The following ABI1 variants were observed in gnomAD, a reference collection of about 807,000 sequenced individuals.
ABI1 encodes the protein abl interactor 1, also known as Abelson interactor 1.
Under a neutral mutation model 54.6 loss-of-function variants are expected in ABI1, and 14 were observed. The ratio of observed to expected loss-of-function variants is 0.26; its 90% CI spans 0.17 to 0.40. ABI1 has a LOEUF of 0.40. Ranked by LOEUF, ABI1 falls within the 10% of genes least tolerant of loss-of-function variation. The pLI, the probability that ABI1 is intolerant of heterozygous loss-of-function variation, is 1.00. For missense variants in ABI1, 443 were observed against 598.3 expected, an observed-to-expected ratio of 0.74 and a Z score of 2.71; for synonymous variants, 194 against 209.3, an observed-to-expected ratio of 0.93 and a Z score of 0.63.
rs867983359 is a variant in ABI1, at chr10:26,786,545, C to A, written c.286-9304G>T. On this transcript the variant is annotated intron_variant, in intron 2 of 10. Transcript: ENST00000376140. ...TCTCTACACATCTTTTAAACTCCTC[C>A]CTTTTCTAATAGGTCCAGCACTAGT... Among the ~76,000 whole-genome samples, 33 of 152,206 alleles carry A rather than the reference C, an allele frequency of 2.2e-4. No homozygotes were observed. In the Middle Eastern group the frequency reaches 0.01, roughly 47 times the overall value.
intron 1 of ABI1, among the ~76,000 whole-genome samples, chr10:26,857,351 C>A (rs969557271): frequency 3.8e-3 from 320 of 85,258 alleles, no homozygotes; most frequent in Middle Eastern, 7.9e-3. Context: ...AAAAAAAAAA[C>A]ACTTTCTGGC....
chr10:26,786,517 G>A (rs936981025), intron 2 of ABI1, among the ~76,000 whole-genome samples: 4 of 151,920 alleles, frequency 2.6e-5, no homozygotes, highest in Non-Finnish European at 4.4e-5. Context: ...ACCATGCCCC[G>A]CCTCTCTACA....
intron 1 of ABI1, among the ~76,000 whole-genome samples, chr10:26,826,784 C>T (rs1482032668): frequency 2.6e-5 from 4 of 152,360 alleles, no homozygotes; most frequent in East Asian, 3.9e-4. Context: ...ACCTCATGAA[C>T]CCGCTGGCTT....
intron 9 of ABI1, among the ~76,000 whole-genome samples, chr10:26,755,449 C>T (rs1353613820): frequency 6.6e-6 from 1 of 152,022 alleles, no homozygotes; most frequent in Non-Finnish European, 1.5e-5. Flanking sequence ...AAGAAAATTG[C>T]AGCTTTGAAA....
chr10:26,802,181 G>C (rs2046607881), intron 2 of ABI1, among the ~76,000 whole-genome samples: 1 of 152,218 alleles, frequency 6.6e-6, no homozygotes, highest in South Asian at 2.1e-4. Context: ...AGTCTAAGAA[G>C]AGTTAGGACA....
chr10:26,842,751 T>C (rs2049620973), intron 1 of ABI1, among the ~76,000 whole-genome samples: 2 of 152,138 alleles, frequency 1.3e-5, no homozygotes, highest in African/African-American at 4.8e-5. Context: ...ACATAATAAA[T>C]TAGAGCCACA....
intron 2 of ABI1, among the ~76,000 whole-genome samples, chr10:26,793,498 C>G (rs1034135480): frequency 2.6e-5 from 4 of 152,194 alleles, no homozygotes; most frequent in Admixed American, 2.6e-4. Context: ...CAGAATTATT[C>G]TGAAATATTT....
chr10:26,849,404 C>G (rs2050227110), intron 1 of ABI1, among the ~76,000 whole-genome samples: 1 of 152,026 alleles, frequency 6.6e-6, no homozygotes, highest in Admixed American at 6.5e-5. Flanking sequence ...AAATCTTGAC[C>G]CTTGAGAAAA....
In ABI1 at chr10:26,839,787, C is replaced by CAGAA. The variant is rs982657098; in HGVS notation, c.118-16486_118-16483dup. 2.4e-5 allele frequency: 17 copies of CAGAA among 700,126 alleles called. No homozygotes were observed. The African/African-American group carries it at 2.6e-4, about 11-fold the overall frequency. 43.4% of individuals were successfully genotyped at this position (700,126 alleles called of 1,614,324 possible). A position where few individuals can be genotyped will look rare whatever the true frequency, so the allele number is the denominator to read the frequency against. ...GCAACACAGCAAAACCATGTCTCTA[C>CAGAA]AGAAAAAATAAAAATAAATAAATCT... On this transcript the variant is annotated intron_variant, in intron 1 of 10. Coordinates refer to ENST00000376140, the MANE Select transcript of ABI1 (RefSeq NM_001012750.3).
intron 2 of ABI1, among the ~76,000 whole-genome samples, chr10:26,812,259 T>G (rs1056280901): frequency 6.6e-6 from 1 of 152,188 alleles, no homozygotes; most frequent in African/African-American, 2.4e-5. Context: ...TTGGGGGCAT[T>G]ACTCAATACA....
At chr10:26,749,613 G>A (rs1209165167) in intron 10 of ABI1, among the ~76,000 whole-genome samples, 1 of 152,144 alleles carries the variant, frequency 6.6e-6, no homozygotes, top group Non-Finnish European at 1.5e-5. Context: ...GCATCATGTT[G>A]GAACTCATTT....
intron 2 of ABI1, among the ~76,000 whole-genome samples, chr10:26,811,516 A>T (rs946908382): frequency 2.0e-5 from 3 of 152,210 alleles, no homozygotes; most frequent in East Asian, 3.8e-4. Context: ...AATATTTACA[A>T]CAGGAAAATT....
In ABI1 at chr10:26,764,046, G is replaced by A. The variant is rs546254922; in HGVS notation, c.820+1172C>T. The A allele has an allele frequency of 1.1e-5, 11 of 1,020,564 alleles. No individual in the cohort carries two copies. In the East Asian group the frequency reaches 1.6e-4, roughly 15 times the overall value. The allele number at this position is 1,020,564 out of a possible 1,614,324, so 63.2% of individuals were successfully genotyped here. A position where few individuals can be genotyped will look rare whatever the true frequency, so the allele number is the denominator to read the frequency against. On this transcript the variant is annotated intron_variant, in intron 7 of 10. Transcript: ENST00000376140. ...ACAGCAAGAAAGTACAATGTATCGGGAAGAAAAAGAAAAAAGATACCCCCA... is the reference window on the plus strand; with the variant it reads ...ACAGCAAGAAAGTACAATGTATCGGAAAGAAAAAGAAAAAAGATACCCCCA...
At chr10:26,832,897 G>C (rs1054287737) in intron 1 of ABI1, among the ~76,000 whole-genome samples, 141 of 152,164 alleles carry the variant, frequency 9.3e-4, no homozygotes, top group African/African-American at 3.0e-3. Flanking sequence ...GGGGACTAGG[G>C]CATACATATA....
chr10:26,758,892 C>T (rs1838727332), intron 8 of ABI1, among the ~76,000 whole-genome samples, 170 bp downstream of exon 8: 1 of 152,094 alleles, frequency 6.6e-6, no homozygotes, highest in Admixed American at 6.5e-5. Context: ...AAGTGGTAAA[C>T]AATTACTCTT....
At chr10:26,818,406 G>A (rs191303192) in intron 2 of ABI1, among the ~76,000 whole-genome samples, 17 of 151,952 alleles carry the variant, frequency 1.1e-4, no homozygotes, top group African/African-American at 4.1e-4. Flanking sequence ...ATCACTTGAG[G>A]TCAGGAGTTT....
intron 2 of ABI1, among the ~76,000 whole-genome samples, chr10:26,802,614 GGGAA>G (rs1489264806): frequency 6.6e-6 from 1 of 152,180 alleles, no homozygotes; most frequent in Non-Finnish European, 1.5e-5. Flanking sequence ...GAGTGATGAG[GGGAA>G]AGGGGAAAAC....
chr10:26,771,609 AAGG>A (rs1840701168), intron 3 of ABI1, among the ~76,000 whole-genome samples: 1 of 152,186 alleles, frequency 6.6e-6, no homozygotes, highest in African/African-American at 2.4e-5. Context: ...AAAATGAAAA[AAGG>A]ACCTAGTATC....
intron 2 of ABI1, among the ~76,000 whole-genome samples, chr10:26,822,521 A>G (rs1032355510): frequency 2.0e-5 from 3 of 152,244 alleles, no homozygotes; most frequent in African/African-American, 7.2e-5. Flanking sequence ...CTACTCAGCA[A>G]TAAAAGAGTG....
Sources: allele counts gnomAD v4.1 joint callset (sites outside exome capture counted in the v4.1 genomes callset), GRCh38; gene constraint gnomAD v4.1.1; transcripts MANE v1.5; gene names NCBI Gene and HGNC (gene_info 2026-07-23, HGNC 2026-07-21).